Variants in COL11A1 observed in about 807,000 individuals in gnomAD.
COL11A1 encodes the protein collagen alpha-1(XI) chain.
Under a neutral mutation model 265.2 loss-of-function variants are expected in COL11A1, and 74 were observed. The ratio of observed to expected loss-of-function variants is 0.28; its 90% CI spans 0.23 to 0.34. The LOEUF (loss-of-function observed/expected upper bound fraction) is 0.34. Among genes scored for constraint, COL11A1 ranks in the 10% least tolerant of loss-of-function variants. The pLI, the probability that COL11A1 is intolerant of heterozygous loss-of-function variation, is 1.00. For missense variants in COL11A1, 2,165 were observed against 2,263.6 expected (o/e 0.96, Z 0.88); for synonymous variants, 816 against 727.6 (o/e 1.12, Z -1.96).
At chr1:102,894,770 G>A (rs559723324) in intron 57 of COL11A1, among the ~76,000 whole-genome samples, 2 of 152,074 alleles carry the variant, frequency 1.3e-5, no homozygotes, top group South Asian at 4.1e-4. Flanking sequence ...GCTTCCATAT[G>A]TGCTATTTAT....
intron 4 of COL11A1, among the ~76,000 whole-genome samples, chr1:103,055,511 C>T (rs902402025): frequency 1.3e-5 from 2 of 151,890 alleles, no homozygotes; most frequent in African/African-American, 4.8e-5. Context: ...TAAAGAAGTT[C>T]CACAGAGAAG....
chr1:103,013,952 G>A (rs1339103452), intron 13 of COL11A1, among the ~76,000 whole-genome samples: 1 of 151,754 alleles, frequency 6.6e-6, no homozygotes, highest in Non-Finnish European at 1.5e-5. Context: ...TACAAGTAGT[G>A]GAAGCTTTAA....
intron 54 of COL11A1, among the ~76,000 whole-genome samples, chr1:102,902,468 T>A (rs768449285): frequency 6.6e-6 from 1 of 152,096 alleles, no homozygotes; most frequent in Non-Finnish European, 1.5e-5. Flanking sequence ...ATTAGAACAA[T>A]TTTCCCAAAA....
intron 50 of COL11A1, 28 bp from the exon 51 acceptor site, chr1:102,914,839 AG>A (rs1420642512): frequency 5.2e-6 from 8 of 1,528,028 alleles, no homozygotes; most frequent in African/African-American, 1.4e-5. Context: ...AAAAAAAAGA[AG>A]AAGAAGGAAA....
intron 54 of COL11A1, among the ~76,000 whole-genome samples, chr1:102,903,612 T>C (rs1040858461): frequency 6.6e-6 from 1 of 152,198 alleles, no homozygotes; most frequent in African/African-American, 2.4e-5. Context: ...AGCACAAGCC[T>C]GTAGAACAGA....
intron 14 of COL11A1, among the ~76,000 whole-genome samples, chr1:103,008,736 T>C (rs896776330): frequency 1.3e-5 from 2 of 152,242 alleles, no homozygotes; most frequent in African/African-American, 4.8e-5. Context: ...TAAAGGTCTA[T>C]ATTTTATGTA....
intron 46 of COL11A1, among the ~76,000 whole-genome samples, chr1:102,927,071 T>C (rs769903347): frequency 2.6e-5 from 4 of 152,178 alleles, no homozygotes; most frequent in Non-Finnish European, 4.4e-5. Flanking sequence ...GTGTTCATGA[T>C]GCAATTTGTG....
At chr1:103,072,087 T>C (rs2102268731) in intron 4 of COL11A1, among the ~76,000 whole-genome samples, 1 of 152,028 alleles carries the variant, frequency 6.6e-6, no homozygotes, top group South Asian at 2.1e-4. Flanking sequence ...ATACTCACTC[T>C]GCTATGCTGA....
intron 36 of COL11A1, among the ~76,000 whole-genome samples, chr1:102,972,526 A>T (rs1570910372): frequency 6.6e-6 from 1 of 152,304 alleles, no homozygotes; most frequent in East Asian, 1.9e-4. Flanking sequence ...ATGTACTTCT[A>T]ATATCAAGCA....
rs1425495254 is a variant in COL11A1, at chr1:103,026,198, G to A, written c.897+18C>T. Reference sequence around the variant, plus strand: ...GAACAGCAGGACACCACATACACAGGCACTGCTTTGTTTTTACCTCCGTCT... The same window carrying A: ...GAACAGCAGGACACCACATACACAGACACTGCTTTGTTTTTACCTCCGTCT... On this transcript the variant is annotated intron_variant, in intron 6 of 66. Coordinates refer to ENST00000370096, the MANE Select transcript of COL11A1 (RefSeq NM_001854.4). 1.2e-5 allele frequency: 18 copies of A among 1,532,780 alleles called. No individual in the cohort carries two copies. The highest frequency in any genetic ancestry group is 1.6e-5 in the Non-Finnish European group (18 of 1,105,766). The allele number at this position is 1,532,780 out of a possible 1,614,324, so 94.9% of individuals were successfully genotyped here. A position where few individuals can be genotyped will look rare whatever the true frequency, so the allele number is the denominator to read the frequency against.
At chr1:103,047,525 G>T (rs1447392953) in intron 4 of COL11A1, among the ~76,000 whole-genome samples, 1 of 152,052 alleles carries the variant, frequency 6.6e-6, no homozygotes, top group Non-Finnish European at 1.5e-5. Context: ...GGGTTTTCTG[G>T]ATATACAATC....
intron 54 of COL11A1, among the ~76,000 whole-genome samples, chr1:102,909,941 T>C (rs1472379277): frequency 1.3e-5 from 2 of 152,064 alleles, no homozygotes; most frequent in African/African-American, 4.8e-5. Flanking sequence ...CATTATATTA[T>C]CATGATTTTA....
At chr1:103,053,888 G>A (rs1048958969) in intron 4 of COL11A1, among the ~76,000 whole-genome samples, 4 of 152,124 alleles carry the variant, frequency 2.6e-5, no homozygotes, top group South Asian at 2.1e-4. Flanking sequence ...ATTTCTTCAC[G>A]AAAACTATAA....
chr1:102,900,217 A>G (rs180990998), intron 54 of COL11A1, among the ~76,000 whole-genome samples: 5 of 152,234 alleles, frequency 3.3e-5, no homozygotes, highest in African/African-American at 1.2e-4. Context: ...AAAGATAAAA[A>G]ATGTATAAAT....
rs749290763 is a variant in COL11A1, at chr1:102,996,008, G to A, written c.2276C>T (p.Pro759Leu). 41 of 1,613,200 alleles carry A rather than the reference G, an allele frequency of 2.5e-5. No homozygotes were observed. The highest frequency in any genetic ancestry group is 5.3e-5 in the African/African-American group (4 of 74,882). Residue 759 changes from proline (P) to leucine (L), a missense_variant, in exon 27 of 67, where the codon CCG (proline) becomes CTG (leucine). Coordinates refer to ENST00000370096, the MANE Select transcript of COL11A1 (RefSeq NM_001854.4). ...PPGPQGPIGY[P>L]GPRGVKGADG... ...CGTTACCTTTACTCCCCGGGGGCCC[G>A]GGTATCCAATAGGACCTTGTGGACC...
At chr1:102,908,080 A>C (rs1180871180) in intron 54 of COL11A1, among the ~76,000 whole-genome samples, 2 of 152,102 alleles carry the variant, frequency 1.3e-5, no homozygotes, top group African/African-American at 4.8e-5. Context: ...TTGGTTTGTC[A>C]GAGTACATTT....
chr1:103,097,694 T>C (rs1673893731), intron 1 of COL11A1, among the ~76,000 whole-genome samples: 1 of 152,002 alleles, frequency 6.6e-6, no homozygotes, highest in Non-Finnish European at 1.5e-5. Flanking sequence ...TTGTCGAACG[T>C]GGCAATGAAA....
intron 4 of COL11A1, among the ~76,000 whole-genome samples, chr1:103,042,719 T>C (rs12123031): frequency 0.22 from 32,995 of 151,716 alleles, 3,824 homozygotes; most frequent in African/African-American, 0.27. Flanking sequence ...GAGCACTGTA[T>C]CAGTATTTAT....
chr1:102,907,703 C>T (rs1654154325), intron 54 of COL11A1, among the ~76,000 whole-genome samples: 1 of 151,050 alleles, frequency 6.6e-6, no homozygotes, highest in Admixed American at 6.7e-5. Flanking sequence ...TACACATACA[C>T]ATATTTATTC....
Sources: allele counts gnomAD v4.1 joint callset (sites outside exome capture counted in the v4.1 genomes callset), GRCh38; gene constraint gnomAD v4.1.1; transcripts MANE v1.5; gene names NCBI Gene and HGNC (gene_info 2026-07-23, HGNC 2026-07-21).